The following SPAG17 variants were observed in gnomAD, a reference collection of about 807,000 sequenced individuals.
SPAG17 encodes sperm-associated antigen 17.
In SPAG17, 169 loss-of-function variants were observed where a neutral mutation model predicts 273.6. The ratio of observed to expected loss-of-function variants is 0.62; its 90% confidence interval spans 0.55 to 0.70. The LOEUF (loss-of-function observed/expected upper bound fraction) is 0.70. SPAG17 is among the 30% of genes least tolerant of loss of function. SPAG17 has a pLI of 0.00. For synonymous variants in SPAG17, 825 were observed against 873.2 expected (o/e 0.94, Z 0.97); for missense variants, 2,557 against 2,627.8 (o/e 0.97, Z 0.59).
At chr1:117,998,232 T>C (rs1657878294) in intron 32 of SPAG17, among the ~76,000 whole-genome samples, 1 of 152,182 alleles carries the variant, frequency 6.6e-6, no homozygotes, top group Admixed American at 6.6e-5. Flanking sequence ...AATTGTTGTA[T>C]ATGGTGTAAG....
intron 32 of SPAG17, among the ~76,000 whole-genome samples, chr1:118,004,261 C>T (rs1658620318): frequency 6.6e-6 from 1 of 152,180 alleles, no homozygotes; most frequent in Admixed American, 6.5e-5. Context: ...AGTTAGGCTA[C>T]ACGGGGGTCA....
At chr1:118,160,179 A>G (rs917852702) in intron 1 of SPAG17, among the ~76,000 whole-genome samples, 5 of 152,192 alleles carry the variant, frequency 3.3e-5, no homozygotes, top group Non-Finnish European at 5.9e-5. Context: ...ATCATATATT[A>G]AAAGCTACAA....
chr1:118,071,253 G>A (rs887041291), intron 17 of SPAG17, among the ~76,000 whole-genome samples: 6 of 151,484 alleles, frequency 4.0e-5, no homozygotes, highest in Non-Finnish European at 7.4e-5. Flanking sequence ...AAATGAAGAC[G>A]AAACAAAAAA....
In SPAG17 at chr1:118,093,273, C is replaced by T. The variant is rs373207664; in HGVS notation, c.1056G>A (p.Met352Ile). The T allele has an allele frequency of 2.5e-6, 4 of 1,613,038 alleles. No individual in the cohort carries two copies. In the South Asian group the frequency reaches 3.3e-5, roughly 13 times the overall value. ...TDIFENIACL[M>I]YDILDWKRQH... The stretch of plus-strand genomic sequence containing the variant: ...GCCTTTTCCAATCCAGGATGTCATA[C>T]ATCAAGCAGGCAATATTTTCAAAAA... Residue 352 changes from methionine (M) to isoleucine (I), a missense_variant, in exon 8 of 49, where the codon ATG becomes ATA. Met to Ile is a conservative substitution (Grantham distance 10). Transcript: ENST00000336338.
At chr1:117,957,123 A>G (rs1652324807) in intron 48 of SPAG17, 1 of 1,612,068 alleles carries the variant, frequency 6.2e-7, no homozygotes, top group Admixed American at 1.7e-5. Context: ...AGACATTCTT[A>G]AACTCTTTAA....
chr1:117,967,548 G>A (rs1654019296), intron 46 of SPAG17, among the ~76,000 whole-genome samples: 1 of 152,182 alleles, frequency 6.6e-6, no homozygotes, highest in Non-Finnish European at 1.5e-5. Flanking sequence ...ATTCAAAGCC[G>A]TCCTGGGCCA....
chr1:118,019,263 TA>T (rs909382015), intron 28 of SPAG17, among the ~76,000 whole-genome samples: 54 of 151,220 alleles, frequency 3.6e-4, no homozygotes, highest in Admixed American at 7.2e-4. Context: ...ATTCCAGAAA[TA>T]AAAAGGGGCC....
intron 3 of SPAG17, among the ~76,000 whole-genome samples, chr1:118,145,443 A>G (rs954383766): frequency 2.6e-5 from 4 of 152,188 alleles, no homozygotes; most frequent in Non-Finnish European, 4.4e-5. Flanking sequence ...AAATGGAACT[A>G]TTACATCTGG....
chr1:118,115,292 C>A lies in SPAG17; in HGVS notation c.447+18G>T. The A allele has an allele frequency of 1.2e-6, 2 of 1,610,972 alleles. No individual in the cohort carries two copies. Among genetic ancestry groups the A allele is most frequent in the South Asian group, 1.1e-5 (1 of 90,780 alleles). ...CACCACTTGCCCTCTTTAGAAAACC[C>A]ACCAGATCGTACAGTACCTTCTTTT... On this transcript the variant is annotated intron_variant, in intron 4 of 48. Transcript: ENST00000336338.
rs1261343383 is a variant in SPAG17, at chr1:118,050,987, C to T, written c.2814+3015G>A. ...GGAATAGGACATAATATTTGAAAAC[C>T]TGCAACTGATAAGGAGTTAATATCT... On this transcript the variant is annotated intron_variant, in intron 20 of 48. Transcript: ENST00000336338. Among the ~76,000 whole-genome samples the T allele has an allele frequency of 2.0e-5, 3 of 152,038 alleles. No individual in the cohort carries two copies. The East Asian group carries it at 5.8e-4, about 29-fold the overall frequency.
At chr1:118,100,888 G>A (rs1373080973) in intron 5 of SPAG17, among the ~76,000 whole-genome samples, 1 of 152,152 alleles carries the variant, frequency 6.6e-6, no homozygotes, top group Non-Finnish European at 1.5e-5. Context: ...TGGGGGAGTT[G>A]GGGTAGGAAA....
intron 34 of SPAG17, among the ~76,000 whole-genome samples, chr1:117,994,981 CTT>C (rs917172909): frequency 2.0e-5 from 3 of 152,108 alleles, no homozygotes; most frequent in African/African-American, 7.2e-5. Flanking sequence ...GATGAAAACT[CTT>C]TTTTGCCTTC....
Position 117,981,378 on chromosome 1 carries a change from C to G in SPAG17, c.5896G>C (p.Glu1966Gln), listed in dbSNP as rs1294254928. 1 of 1,595,692 alleles carries G rather than the reference C, an allele frequency of 6.3e-7. No homozygotes were observed. Among genetic ancestry groups the G allele is most frequent in the Non-Finnish European group, 8.5e-7 (1 of 1,175,684 alleles). The change falls in exon 43 of 49, where the codon GAA (glutamate) becomes CAA (glutamine). Residue 1966 changes from glutamate to glutamine, a missense_variant. Physicochemically the swap from Glu to Gln is conservative, Grantham distance 29. Transcript: ENST00000336338. ...NLDFKPHKVSEQKSSSVPSLP... is the reference protein window; with the variant it reads ...NLDFKPHKVSQQKSSSVPSLP... ...CTAGGCACACTTGAGGATTTCTGTT[C>G]TGAAACCTTATGTGGCTTGAAATCT...
intron 47 of SPAG17, chr1:117,965,920 T>C (rs1653774348): frequency 6.6e-6 from 1 of 152,244 alleles, no homozygotes; most frequent in South Asian, 2.1e-4. Flanking sequence ...GGAGCTTTCC[T>C]GTTGCCATGG....
chr1:118,156,364 C>T (rs1457529918), intron 1 of SPAG17, among the ~76,000 whole-genome samples: 5 of 152,172 alleles, frequency 3.3e-5, no homozygotes, highest in Admixed American at 3.3e-4. Flanking sequence ...ACAGGGAGTA[C>T]ATTTGGATCC....
At chr1:118,050,236 C>T (rs1650843981) in intron 20 of SPAG17, among the ~76,000 whole-genome samples, 1 of 152,148 alleles carries the variant, frequency 6.6e-6, no homozygotes, top group South Asian at 2.1e-4. Flanking sequence ...ATTTAAAACA[C>T]CAAGTCAAAA....
chr1:117,982,245 T>TA (rs1655916252), intron 42 of SPAG17, among the ~76,000 whole-genome samples: 1 of 150,626 alleles, frequency 6.6e-6, no homozygotes, highest in Admixed American at 6.6e-5. Context: ...CTGCTTATTT[T>TA]TTTTTTTTTT....
chr1:118,026,670 G>A (rs1188140539), intron 26 of SPAG17, among the ~76,000 whole-genome samples: 3 of 152,098 alleles, frequency 2.0e-5, no homozygotes, highest in African/African-American at 7.2e-5. Context: ...TATAACTTTG[G>A]AAGACACTTA....
chr1:118,109,105 A>G (rs1011213580), intron 4 of SPAG17, among the ~76,000 whole-genome samples: 3 of 151,910 alleles, frequency 2.0e-5, no homozygotes, highest in Non-Finnish European at 1.5e-5. Context: ...TAAATGGTAA[A>G]TGTCAGTGAA....
Sources: allele counts gnomAD v4.1 joint callset (sites outside exome capture counted in the v4.1 genomes callset), GRCh38; gene constraint gnomAD v4.1.1; transcripts MANE v1.5; gene names NCBI Gene and HGNC (gene_info 2026-07-23, HGNC 2026-07-21).